The following CCDC40 variants were observed in gnomAD, a reference collection of about 807,000 sequenced individuals.
CCDC40 encodes coiled-coil domain-containing protein 40.
In CCDC40, 104 loss-of-function variants were observed where a neutral mutation model predicts 124.5. The observed-to-expected ratio is 0.84, with a 90% CI of 0.71 to 0.98. The LOEUF (loss-of-function observed/expected upper bound fraction) is 0.98, where lower values mean the gene tolerates loss of function less well. Ranked by LOEUF, CCDC40 falls within the 50% of genes least tolerant of loss-of-function variation. The pLI is 0.00. For missense variants in CCDC40, 1,463 were observed against 1,503.9 expected (o/e 0.97, Z 0.45); for synonymous variants, 580 against 602.9 (o/e 0.96, Z 0.56).
chr17:80,058,596 T>C lies in CCDC40; in HGVS notation c.1262T>C (p.Val421Ala). The C allele has an allele frequency of 6.2e-7, 1 of 1,613,820 alleles. No homozygotes were observed. Among genetic ancestry groups the C allele is most frequent in the South Asian group, 1.1e-5 (1 of 91,050 alleles). ...MRDDIRVMTQ[V>A]VKKAETERIR... ...GACGACATCCGCGTGATGACACAAG[T>C]GGTAAAGAAGGCCGAGACGGAGAGG... The change falls in exon 8 of 20, where the codon GTG becomes GCG. Residue 421 changes from valine to alanine, a missense_variant. Transcript: ENST00000397545. This position sits in a 1 kb window ranked among gnomAD's most constrained non-coding sequence, Gnocchi z 4.2.
In CCDC40 at chr17:80,087,831, G is replaced by A. The variant is rs571599713; in HGVS notation, c.2619+55G>A. The A allele has an allele frequency of 2.4e-5, 37 of 1,515,882 alleles. No homozygotes were observed. The highest frequency in any genetic ancestry group is 3.9e-4 in the Middle Eastern group (2 of 5,066). The allele number at this position is 1,515,882 out of a possible 1,614,324, so 93.9% of individuals were successfully genotyped here. ...TCAGGACGATGGAGGGCGGGGGTAC[G>A]GTCCTTGCGGTGGGCGTTCTGCACC... is the stretch of plus-strand genomic sequence containing the variant. On this transcript the variant is annotated intron_variant, in intron 15 of 19. Coordinates refer to ENST00000397545, the MANE Select transcript of CCDC40 (RefSeq NM_017950.4). The surrounding 1 kb of genome is among the most constrained non-coding windows in gnomAD (Gnocchi z 4.5).
rs886053537 is a variant in CCDC40, at chr17:80,100,117, G to A, written c.*342G>A. 10 of 358,220 alleles carry A rather than the reference G, an allele frequency of 2.8e-5. No homozygotes were observed. The highest frequency in any genetic ancestry group is 2.1e-4 in the Admixed American group (5 of 24,018). The allele number at this position is 358,220 out of a possible 1,614,324, so 22.2% of individuals were successfully genotyped here. On this transcript the variant is annotated 3_prime_UTR_variant, in exon 20 of 20. Transcript: ENST00000397545. The stretch of plus-strand genomic sequence containing the variant: ...CTGCACGTGCCTCTCACAACACAAC[G>A]CTGCCACAGGTCCACAAGCTGGTGG...
chr17:80,088,089 CT>C lies in CCDC40; in HGVS notation c.2699del (p.Leu900ArgfsTer37). The C allele has an allele frequency of 6.2e-7, 1 of 1,612,870 alleles. No homozygotes were observed. Among genetic ancestry groups the C allele is most frequent in the East Asian group, 2.2e-5 (1 of 44,864 alleles). ...SEEKATLLNQ[L>X]VEAEHQIMLW... ...GGAGAAGGCGACCCTCCTGAATCAACTGGTGGAAGCAGAGTGAGTCCCAGTC... is the reference window on the plus strand; with the variant it reads ...GGAGAAGGCGACCCTCCTGAATCAACGGTGGAAGCAGAGTGAGTCCCAGTC... On this transcript the variant is annotated frameshift_variant, in exon 16 of 20. Transcript: ENST00000397545. LOFTEE classifies it high-confidence loss of function.
intron 17 of CCDC40, among the ~76,000 whole-genome samples, chr17:80,094,247 G>GGA (rs767740317): frequency 1.5e-5 from 2 of 133,596 alleles, no homozygotes; most frequent in African/African-American, 2.8e-5. Context: ...TGTCTCTACT[G>GGA]AAAAAAAAAA....
chr17:80,100,221 C>G lies in CCDC40; in HGVS notation c.*446C>G, dbSNP rs2038897018. On this transcript the variant is annotated 3_prime_UTR_variant, in exon 20 of 20. Coordinates refer to ENST00000397545, the MANE Select transcript of CCDC40 (RefSeq NM_017950.4). The stretch of plus-strand genomic sequence containing the variant: ...CTGGTCCCCCCAGCACTTCCCTCTA[C>G]TAGGTGCATCTGAAAACCCACAAAC... 1.8e-5 allele frequency: 4 copies of G among 217,550 alleles called. No individual in the cohort carries two copies. The highest frequency in any genetic ancestry group is 1.6e-4 in the Admixed American group (3 of 19,050). The allele number at this position is 217,550 out of a possible 1,614,324, so 13.5% of individuals were successfully genotyped here.
At position 80,065,598 on chromosome 17, in the gene CCDC40, G is replaced by A. The variant is rs775345046; in HGVS notation, c.1554G>A (p.Glu518=). Residue 518 remains glutamate, a synonymous_variant, in exon 10 of 20, where the codon GAG becomes GAA. Transcript: ENST00000397545. ...HRDEAHRAVL[E]ALRGCQHQAK... ...ACGAGGCGCACAGGGCGGTGCTGGA[G>A]GCGCTCAGGTACTGCAGGGCCACAG... 1 of 1,612,482 alleles carries A rather than the reference G, an allele frequency of 6.2e-7. No individual in the cohort carries two copies. Among genetic ancestry groups the A allele is most frequent in the South Asian group, 1.1e-5 (1 of 91,020 alleles).
chr17:80,048,508 A>G, intron 4 of CCDC40, 75 bp from the exon 5 acceptor site: 15 of 1,241,314 alleles, frequency 1.2e-5, no homozygotes, highest in Non-Finnish European at 1.7e-5. Flanking sequence ...CAGCTGTGCC[A>G]TTGATGCCCC....
chr17:80,088,748 A>AG (rs2038641861), intron 16 of CCDC40, among the ~76,000 whole-genome samples: 1 of 152,172 alleles, frequency 6.6e-6, no homozygotes, highest in Non-Finnish European at 1.5e-5. Context: ...TCAAGGCTGC[A>AG]GTGAGCTAGG....
At chr17:80,076,911 T>G (rs1402031021) in intron 10 of CCDC40, among the ~76,000 whole-genome samples, 1 of 152,040 alleles carries the variant, frequency 6.6e-6, no homozygotes, top group Non-Finnish European at 1.5e-5. Flanking sequence ...ACACCTGGTA[T>G]TTTTAGTAGA....
rs565856049 is a variant in CCDC40, at chr17:80,071,472, C to T, written c.1562+5866C>T. On this transcript the variant is annotated intron_variant, in intron 10 of 19. Transcript: ENST00000397545. ...CTGCTGGACACCTCCTGTGTCCCCC[C>T]CTTAATCCTCAGAGGCACGGTGCCC... is the stretch of plus-strand genomic sequence containing the variant. Among the ~76,000 whole-genome samples the T allele has an allele frequency of 5.9e-5, 9 of 152,214 alleles. 1 individual carries two copies. The highest frequency in any genetic ancestry group is 3.3e-4 in the Admixed American group (5 of 15,282).
At chr17:80,082,144 C>A (rs545003979) in intron 12 of CCDC40, 86 bp downstream of exon 12, 3 of 1,231,812 alleles carry the variant, frequency 2.4e-6, no homozygotes, top group Admixed American at 1.8e-5. Context: ...GCGGAGAGGG[C>A]GGAGTCAGTG....
Position 80,065,542 on chromosome 17 carries a change from G to A in CCDC40, c.1498G>A (p.Ala500Thr), listed in dbSNP as rs986794430. The A allele has an allele frequency of 2.5e-6, 4 of 1,613,112 alleles. No homozygotes were observed. Among genetic ancestry groups the A allele is most frequent in the Non-Finnish European group, 3.4e-6 (4 of 1,179,946 alleles). Residue 500 changes from alanine to threonine, a missense_variant, in exon 10 of 20, where the codon GCC becomes ACC. By Grantham distance (58) the Ala-to-Thr change is moderately conservative. Coordinates refer to ENST00000397545, the MANE Select transcript of CCDC40 (RefSeq NM_017950.4). ...VEKRRIMQQW[A>T]SSLVGMKHRD... Reference sequence around the variant, plus strand: ...GAAGAGGCGCATCATGCAGCAATGGGCCAGCAGCCTGGTGGGCATGAAGCA... The same window carrying A: ...GAAGAGGCGCATCATGCAGCAATGGACCAGCAGCCTGGTGGGCATGAAGCA...
At chr17:80,059,049 G>A in intron 9 of CCDC40, 69 bp downstream of exon 9, 4 of 1,590,950 alleles carry the variant, frequency 2.5e-6, no homozygotes, top group Non-Finnish European at 3.4e-6. Context: ...GGTGCTGGTG[G>A]GTCTACTAGA....
Position 80,039,601 on chromosome 17 carries a change from G to A in CCDC40, c.94-211G>A, listed in dbSNP as rs573503853. 4.1e-4 allele frequency among the ~76,000 whole-genome samples: 62 copies of A among 151,824 alleles called. 1 individual carries two copies. The highest frequency in any genetic ancestry group is 1.2e-3 in the Admixed American group (19 of 15,262). Reference sequence around the variant, plus strand: ...TAATTTTTGTATTTTTAGTAGAGACGGGGTTTCACCATGTTGGTCAGGATG... The same window carrying A: ...TAATTTTTGTATTTTTAGTAGAGACAGGGTTTCACCATGTTGGTCAGGATG... On this transcript the variant is annotated intron_variant, in intron 2 of 19. Transcript: ENST00000397545.
At chr17:80,095,112 C>T in intron 17 of CCDC40, 151 bp from the exon 18 acceptor site, 1 of 730,816 alleles carries the variant, frequency 1.4e-6, no homozygotes, top group Non-Finnish European at 2.4e-6. Flanking sequence ...CTCCATGTCC[C>T]TTGTTCCTCC....
chr17:80,048,377 C>T (rs576308027), intron 4 of CCDC40: 10 of 618,320 alleles, frequency 1.6e-5, no homozygotes, highest in East Asian at 1.1e-4. Flanking sequence ...TAAAACGGGA[C>T]GCTTTCTCTG....
chr17:80,094,961 G>T (rs1006862353), intron 17 of CCDC40, among the ~76,000 whole-genome samples: 1 of 152,168 alleles, frequency 6.6e-6, no homozygotes, highest in Admixed American at 6.5e-5. Flanking sequence ...TTTTCTCAAT[G>T]AGATTTTTTT....
chr17:80,092,565 C>T (rs2038741873), intron 17 of CCDC40, among the ~76,000 whole-genome samples: 1 of 152,316 alleles, frequency 6.6e-6, no homozygotes, highest in African/African-American at 2.4e-5. Flanking sequence ...CCTTGCTTAG[C>T]CTCATGCATT....
chr17:80,038,597 C>A (rs1276833469), intron 2 of CCDC40, among the ~76,000 whole-genome samples: 1 of 151,978 alleles, frequency 6.6e-6, no homozygotes, highest in Non-Finnish European at 1.5e-5. Context: ...GAGGCCGAGG[C>A]AGGCAGATCA....
Sources: allele counts gnomAD v4.1 joint callset (sites outside exome capture counted in the v4.1 genomes callset), GRCh38; gene constraint gnomAD v4.1.1; non-coding constraint Gnocchi (gnomAD v3.1); transcripts MANE v1.5; gene names NCBI Gene and HGNC (gene_info 2026-07-23, HGNC 2026-07-21).